Variants in SMG6 observed in about 807,000 individuals in gnomAD.
SMG6 encodes the protein telomerase-binding protein EST1A.
In SMG6, 66 loss-of-function variants were observed where a neutral mutation model predicts 142.2. The ratio of observed to expected loss-of-function variants is 0.46; its 90% CI spans 0.38 to 0.57. The LOEUF (loss-of-function observed/expected upper bound fraction) is 0.57. SMG6 is among the 20% of genes least tolerant of loss of function. SMG6 has a pLI of 0.00. For synonymous variants in SMG6, 779 were observed against 702.4 expected, an observed-to-expected ratio of 1.11 and a Z score of -1.72; for missense variants, 1,793 against 1,832.0, an observed-to-expected ratio of 0.98 and a Z score of 0.39.
At chr17:2,138,475 T>C (rs1163487594) in intron 13 of SMG6, among the ~76,000 whole-genome samples, 3 of 152,126 alleles carry the variant, frequency 2.0e-5, no homozygotes, top group Non-Finnish European at 4.4e-5. Flanking sequence ...TGAAGACATA[T>C]AACCGGAAGT....
chr17:2,259,233 T>A (rs1412392615), intron 8 of SMG6, among the ~76,000 whole-genome samples: 1 of 149,710 alleles, frequency 6.7e-6, no homozygotes, highest in Non-Finnish European at 1.5e-5. Flanking sequence ...AACAGAGAAG[T>A]CTTGGAGATT....
intron 8 of SMG6, among the ~76,000 whole-genome samples, chr17:2,252,316 C>T (rs920947379): frequency 1.3e-5 from 2 of 151,494 alleles, no homozygotes; most frequent in Non-Finnish European, 1.5e-5. Flanking sequence ...AGGAGAATTG[C>T]TTGAACCTGG....
rs780310601 is a variant in SMG6 at position 2,186,666 on chromosome 17, G to A, written c.3152C>T (p.Ser1051Leu). Reference sequence around the variant, plus strand: ...AGCAATGGGCAGGTCAACTCACTGCGAGGGCAGATCCAGGGATGTGGGAGG... The same window carrying A: ...AGCAATGGGCAGGTCAACTCACTGCAAGGGCAGATCCAGGGATGTGGGAGG... ...NPPPTSLDLP[S>L]HVAVDVWSTL... The change falls in exon 12 of 19, where the codon TCG becomes TTG. Residue 1051 changes from serine to leucine, a missense_variant. Coordinates refer to ENST00000263073, the MANE Select transcript of SMG6 (RefSeq NM_017575.5). The A allele has an allele frequency of 3.1e-6, 5 of 1,614,196 alleles. No individual in the cohort carries two copies. Among genetic ancestry groups the A allele is most frequent in the Admixed American group, 1.7e-5 (1 of 60,030 alleles).
At chr17:2,288,131 T>C (rs1413078271) in intron 6 of SMG6, among the ~76,000 whole-genome samples, 2 of 151,886 alleles carry the variant, frequency 1.3e-5, no homozygotes, top group Admixed American at 6.6e-5. Flanking sequence ...CTGGCCAACA[T>C]GGTGAAACCC....
intron 10 of SMG6, among the ~76,000 whole-genome samples, chr17:2,220,044 C>A (rs1272186514): frequency 6.6e-6 from 1 of 152,086 alleles, no homozygotes; most frequent in East Asian, 1.9e-4. Context: ...GTATAATTTT[C>A]CCAAGTAGCT....
intron 13 of SMG6, among the ~76,000 whole-genome samples, chr17:2,123,740 AG>A (rs2069777484): frequency 6.6e-6 from 1 of 152,348 alleles, no homozygotes; most frequent in Non-Finnish European, 1.5e-5. Context: ...CGGCAGAGCC[AG>A]GGTGTGGATC....
intron 8 of SMG6, chr17:2,266,025 T>C (rs1363745643): frequency 3.0e-6 from 3 of 985,422 alleles, no homozygotes; most frequent in South Asian, 9.4e-5. Context: ...TGAATGTTCA[T>C]TTTCAAACAC....
intron 1 of SMG6, among the ~76,000 whole-genome samples, chr17:2,301,686 C>A (rs2075280783): frequency 6.6e-6 from 1 of 151,840 alleles, no homozygotes; most frequent in South Asian, 2.1e-4. Flanking sequence ...ACAAAAAATA[C>A]AAAAAATTAG....
Position 2,067,501 on chromosome 17 carries a change from C to T in SMG6, c.3835+1277G>A, listed in dbSNP as rs76153606. On this transcript the variant is annotated intron_variant, in intron 16 of 18. Transcript: ENST00000263073. ...GTAGGAAAGCAGAGAGACATATGAC[C>T]CGGCAAGGCAGCCCGCCCCAGCGAG... 4.6e-5 allele frequency among the ~76,000 whole-genome samples: 7 copies of T among 152,302 alleles called. No homozygotes were observed. In the East Asian group the frequency reaches 1.4e-3, roughly 29 times the overall value.
intron 10 of SMG6, among the ~76,000 whole-genome samples, chr17:2,235,071 T>G (rs1215394867): frequency 1.3e-5 from 2 of 152,178 alleles, no homozygotes; most frequent in Non-Finnish European, 2.9e-5. Flanking sequence ...CAGGTGGGCT[T>G]CCTACTTGGT....
intron 13 of SMG6, among the ~76,000 whole-genome samples, chr17:2,112,535 ATAAAT>A (rs1206938678): frequency 2.9e-5 from 4 of 137,046 alleles, no homozygotes; most frequent in African/African-American, 8.3e-5. Flanking sequence ...AAATAAATAA[ATAAAT>A]AAATAAATAA....
rs913965520 is a variant in SMG6 at position 2,085,668 on chromosome 17, G to A, written c.3534+57C>T. ...AAGCAGGAGGAAAAGCTGAAGCCAC[G>A]AGCAGAATGGGGAGGGGGCCTTCCC... is the stretch of plus-strand genomic sequence containing the variant. On this transcript the variant is annotated intron_variant, in intron 14 of 18. Coordinates refer to ENST00000263073, the MANE Select transcript of SMG6 (RefSeq NM_017575.5). The surrounding 1 kb of genome is among the most constrained non-coding windows in gnomAD (Gnocchi z 4.1). 4 of 1,527,340 alleles carry A rather than the reference G, an allele frequency of 2.6e-6. No homozygotes were observed. The highest frequency in any genetic ancestry group is 3.6e-6 in the Non-Finnish European group (4 of 1,124,392). 94.6% of individuals were successfully genotyped at this position (1,527,340 alleles called of 1,614,324 possible). A position where few individuals can be genotyped will look rare whatever the true frequency, so the allele number is the denominator to read the frequency against.
chr17:2,093,315 T>A (rs1203470438), intron 13 of SMG6, among the ~76,000 whole-genome samples: 1 of 151,500 alleles, frequency 6.6e-6, no homozygotes, highest in African/African-American at 2.4e-5. Context: ...CCGAGCTAAC[T>A]AGGAGGCTGA....
At chr17:2,164,988 G>A (rs1049810509) in intron 13 of SMG6, among the ~76,000 whole-genome samples, 1 of 151,990 alleles carries the variant, frequency 6.6e-6, no homozygotes, top group African/African-American at 2.4e-5. Context: ...TTTTTGTCAC[G>A]TAAGGTAACA....
At chr17:2,156,206 A>G (rs1240042736) in intron 13 of SMG6, among the ~76,000 whole-genome samples, 1 of 151,450 alleles carries the variant, frequency 6.6e-6, no homozygotes, top group Admixed American at 6.6e-5. Flanking sequence ...CCTGGGCAAC[A>G]TAATGAAACT....
chr17:2,150,645 C>T (rs572085126), intron 13 of SMG6, among the ~76,000 whole-genome samples: 2 of 152,312 alleles, frequency 1.3e-5, no homozygotes, highest in Non-Finnish European at 2.9e-5. Context: ...ACTCTGATGG[C>T]CATCTTGAGA....
intron 10 of SMG6, among the ~76,000 whole-genome samples, chr17:2,203,043 A>G (rs1253847958): frequency 6.6e-6 from 1 of 152,196 alleles, no homozygotes; most frequent in Non-Finnish European, 1.5e-5. Context: ...ACATCTTGGC[A>G]AGAAAGACAG....
At chr17:2,221,945 G>C (rs780115564) in intron 10 of SMG6, among the ~76,000 whole-genome samples, 16 of 152,216 alleles carry the variant, frequency 1.1e-4, no homozygotes, top group Non-Finnish European at 2.2e-4. Context: ...ATGTTGGCCA[G>C]GCTGGTCTTG....
chr17:2,164,041 G>C (rs1301547223), intron 13 of SMG6, among the ~76,000 whole-genome samples: 1 of 147,746 alleles, frequency 6.8e-6, no homozygotes, highest in African/African-American at 2.5e-5. Context: ...CAGCCTGGGC[G>C]ACAGAGAAAA....
Sources: allele counts gnomAD v4.1 joint callset (sites outside exome capture counted in the v4.1 genomes callset), GRCh38; gene constraint gnomAD v4.1.1; non-coding constraint Gnocchi (gnomAD v3.1); transcripts MANE v1.5; gene names NCBI Gene and HGNC (gene_info 2026-07-23, HGNC 2026-07-21).